PLEKHB1: variants seen among roughly 807,000 people sequenced by gnomAD.
PLEKHB1 encodes the protein pleckstrin homology domain containing B1.
Under a neutral mutation model 36.2 loss-of-function variants are expected in PLEKHB1, and 29 were observed. The ratio of observed to expected loss-of-function variants is 0.80; its 90% CI spans 0.60 to 1.09. PLEKHB1 has a LOEUF of 1.09. Among genes scored for constraint, PLEKHB1 ranks in the 50% least tolerant of loss-of-function variants. PLEKHB1 has a pLI of 0.00. For missense variants in PLEKHB1, 330 were observed against 348.2 expected, an observed-to-expected ratio of 0.95 and a Z score of 0.42; for synonymous variants, 138 against 140.0, an observed-to-expected ratio of 0.99 and a Z score of 0.10.
Position 73,661,659 on chromosome 11 carries a change from C to T in PLEKHB1, c.*57C>T. The T allele has an allele frequency of 3.3e-6, 5 of 1,517,660 alleles. No homozygotes were observed. Among genetic ancestry groups the T allele is most frequent in the Non-Finnish European group, 4.4e-6 (5 of 1,138,100 alleles). 94.0% of individuals were successfully genotyped at this position (1,517,660 alleles called of 1,614,324 possible). On this transcript the variant is annotated 3_prime_UTR_variant, in exon 8 of 8. Transcript: ENST00000354190. The surrounding 1 kb of genome is among the most constrained non-coding windows in gnomAD (Gnocchi z 4.6). The stretch of plus-strand genomic sequence containing the variant: ...TTGGATTGCTAGACTCCTCTTCCTC[C>T]TGGACCCCATCCTCTACCATCCAAG...
Position 73,646,608 on chromosome 11 carries a change from C to T in PLEKHB1, c.-1C>T, listed in dbSNP as rs374048068. 5.8e-6 allele frequency: 9 copies of T among 1,551,562 alleles called. No homozygotes were observed. Among genetic ancestry groups the T allele is most frequent in the Non-Finnish European group, 7.8e-6 (9 of 1,146,978 alleles). ...AATGCTGCCCTGGCCACCCAGGAAC[C>T]ATGAGCCCTGCAGCCCCGGTAAGGA... On this transcript the variant is annotated 5_prime_UTR_variant, in exon 1 of 8. Coordinates refer to ENST00000354190, the MANE Select transcript of PLEKHB1 (RefSeq NM_021200.3).
intron 7 of PLEKHB1, 55 bp downstream of exon 7, chr11:73,660,907 A>G: frequency 1.3e-6 from 2 of 1,483,626 alleles, no homozygotes; most frequent in African/African-American, 2.8e-5. Context: ...ATTCAGCGCC[A>G]GGCCCAGCCC....
chr11:73,658,241 G>A (rs997432633), intron 6 of PLEKHB1, among the ~76,000 whole-genome samples: 2 of 152,208 alleles, frequency 1.3e-5, no homozygotes, highest in African/African-American at 4.8e-5. Flanking sequence ...AATGAGGTGA[G>A]AAGCATATCC....
rs1945112953 is a variant in PLEKHB1 at position 73,661,355 on chromosome 11, AGT to A, written c.596-109_596-108del. ...CTGTTCTTTGACTGGGGAGCAGGAG[AGT>A]GGGTTCGGCGCCTTACACTGGGTTG... On this transcript the variant is annotated intron_variant, in intron 7 of 7. Transcript: ENST00000354190. This position sits in a 1 kb window ranked among gnomAD's most constrained non-coding sequence, Gnocchi z 4.6. The A allele has an allele frequency of 3.8e-5, 46 of 1,200,908 alleles. 2 individuals are homozygous for A. In the Middle Eastern group the frequency reaches 2.5e-3, roughly 66 times the overall value. 74.4% of individuals were successfully genotyped at this position (1,200,908 alleles called of 1,614,324 possible).
intron 6 of PLEKHB1, among the ~76,000 whole-genome samples, chr11:73,657,516 G>A (rs1945017804): frequency 6.6e-6 from 1 of 152,214 alleles, no homozygotes; most frequent in South Asian, 2.1e-4. Context: ...GGGAGAGGCA[G>A]GTTCAAACCC....
Position 73,653,009 on chromosome 11 carries a change from A to G in PLEKHB1, c.385A>G (p.Thr129Ala), listed in dbSNP as rs1944927094. The stretch of plus-strand genomic sequence containing the variant: ...GACAGCACTGCTGGAGGCAAACTCC[A>G]CCCCGGTGAGTCTCCCGTTCTCTCC... ...WKTALLEANSTPAPAGATVPP... is the reference protein window; with the variant it reads ...WKTALLEANSAPAPAGATVPP... The change falls in exon 5 of 8, where the codon ACC becomes GCC. Residue 129 changes from threonine to alanine, a missense_variant. Transcript: ENST00000354190. 6.2e-7 allele frequency: 1 copy of G among 1,608,858 alleles called. No individual in the cohort carries two copies. The highest frequency in any genetic ancestry group is 1.3e-5 in the African/African-American group (1 of 74,806).
At position 73,661,108 on chromosome 11, in the gene PLEKHB1, A is replaced by G. The variant is rs1232292549; in HGVS notation, c.595+256A>G. 6.6e-6 allele frequency among the ~76,000 whole-genome samples: 1 copy of G among 152,230 alleles called. No homozygotes were observed. ...CGGCAATACCCATTCCTGAGCCGGTAGCGGCCCCTGGTGGCTACTGCGGGA... is the reference window on the plus strand; with the variant it reads ...CGGCAATACCCATTCCTGAGCCGGTGGCGGCCCCTGGTGGCTACTGCGGGA... On this transcript the variant is annotated intron_variant, in intron 7 of 7. Transcript: ENST00000354190. This position sits in a 1 kb window ranked among gnomAD's most constrained non-coding sequence, Gnocchi z 4.6.
Position 73,650,635 on chromosome 11 carries a change from G to A in PLEKHB1, c.177G>A (p.Ala59=), listed in dbSNP as rs1312523121. 1.1e-5 allele frequency: 17 copies of A among 1,612,638 alleles called. No homozygotes were observed. The highest frequency in any genetic ancestry group is 2.2e-5 in the East Asian group (1 of 44,864). ...TGGGATACTACCACGATGAGACAGC[G>A]CAGGACGAGGAGGACCGTGTGCTCA... is the stretch of plus-strand genomic sequence containing the variant. ...GTLGYYHDET[A]QDEEDRVLIH... is the part of the protein sequence containing the mutation. The change falls in exon 3 of 8, where the codon GCG becomes GCA. Residue 59 remains alanine (A), a synonymous_variant. Transcript: ENST00000354190.
Position 73,661,680 on chromosome 11 carries a change from C to T in PLEKHB1, c.*78C>T. ...CCTCCTGGACCCCATCCTCTACCAT[C>T]CAAGCCCTGTCCCACTTTGGCCCTA... is the stretch of plus-strand genomic sequence containing the variant. On this transcript the variant is annotated 3_prime_UTR_variant, in exon 8 of 8. Coordinates refer to ENST00000354190, the MANE Select transcript of PLEKHB1 (RefSeq NM_021200.3). The surrounding 1 kb of genome is among the most constrained non-coding windows in gnomAD (Gnocchi z 4.6). 6.7e-7 allele frequency: 1 copy of T among 1,491,384 alleles called. No homozygotes were observed. Among genetic ancestry groups the T allele is most frequent in the Non-Finnish European group, 8.9e-7 (1 of 1,123,474 alleles). The allele number at this position is 1,491,384 out of a possible 1,614,324, so 92.4% of individuals were successfully genotyped here.
At chr11:73,650,821 A>G (rs759518551) in intron 3 of PLEKHB1, 116 bp downstream of exon 3, 30 of 1,247,186 alleles carry the variant, frequency 2.4e-5, no homozygotes, top group Non-Finnish European at 2.9e-5. Flanking sequence ...TTTCACAGAC[A>G]TTGCTTCTGA....
At chr11:73,653,551 T>C (rs996868627) in intron 5 of PLEKHB1, 6 of 439,608 alleles carry the variant, frequency 1.4e-5, no homozygotes, top group African/African-American at 1.2e-4. Context: ...TCCATTTCAA[T>C]AGTAATAACA....
chr11:73,653,504 T>C (rs1038876243), intron 5 of PLEKHB1: 7 of 456,206 alleles, frequency 1.5e-5, no homozygotes, highest in African/African-American at 1.4e-4. Flanking sequence ...GGACTCAGCC[T>C]AATGAGAAGC....
chr11:73,651,787 G>C lies in PLEKHB1; in HGVS notation c.248-1G>C. The C allele has an allele frequency of 6.2e-7, 1 of 1,613,058 alleles. No individual in the cohort carries two copies. The highest frequency in any genetic ancestry group is 8.5e-7 in the Non-Finnish European group (1 of 1,179,608). On this transcript the variant is annotated splice_acceptor_variant, in intron 3 of 7. Transcript: ENST00000354190. LOFTEE classifies it high-confidence loss of function. Reference sequence around the variant, plus strand: ...ACCCATATATGTGTGTCTGCTTCCAGATGTGCAGCCCCCAGAGGGCCGGAG... The same window carrying C: ...ACCCATATATGTGTGTCTGCTTCCACATGTGCAGCCCCCAGAGGGCCGGAG...
At chr11:73,660,524 A>C in intron 6 of PLEKHB1, 1 of 555,664 alleles carries the variant, frequency 1.8e-6, no homozygotes, top group Admixed American at 3.2e-5. Flanking sequence ...CCAGAGTTGG[A>C]GAATGGGTGT....
At chr11:73,651,310 T>C in intron 3 of PLEKHB1, 2 of 398,402 alleles carry the variant, frequency 5.0e-6, no homozygotes, top group Non-Finnish European at 9.9e-6. Context: ...TGAGTGTTCA[T>C]GGCACTGCAC....
At chr11:73,657,738 A>G (rs933237988) in intron 6 of PLEKHB1, among the ~76,000 whole-genome samples, 13 of 152,160 alleles carry the variant, frequency 8.5e-5, no homozygotes, top group Admixed American at 4.6e-4. Flanking sequence ...TTCCCCACCA[A>G]TAAAATTGGA....
intron 1 of PLEKHB1, 52 bp downstream of exon 1, chr11:73,646,678 C>A: frequency 1.3e-6 from 2 of 1,543,778 alleles, no homozygotes; most frequent in Admixed American, 3.9e-5. Flanking sequence ...AGGGTGGGCA[C>A]CCTTGCCACA....
At chr11:73,656,920 A>G (rs1323312865) in intron 6 of PLEKHB1, among the ~76,000 whole-genome samples, 4 of 152,184 alleles carry the variant, frequency 2.6e-5, no homozygotes, top group African/African-American at 9.7e-5. Context: ...TGGGAGGCTG[A>G]GGCGGGCAGG....
rs750761821 is a variant in PLEKHB1, at chr11:73,661,590, C to T, written c.720C>T (p.Pro240=). 7.5e-6 allele frequency: 12 copies of T among 1,591,810 alleles called. No homozygotes were observed. Among genetic ancestry groups the T allele is most frequent in the Non-Finnish European group, 8.5e-7 (1 of 1,169,764 alleles). Residue 240 remains proline, a synonymous_variant, in exon 8 of 8, where the codon CCC becomes CCT. Coordinates refer to ENST00000354190, the MANE Select transcript of PLEKHB1 (RefSeq NM_021200.3). The surrounding 1 kb of genome is among the most constrained non-coding windows in gnomAD (Gnocchi z 4.6). The part of the protein sequence containing the change: ...GAALGSLMWS[P]CWF Reference sequence around the variant, plus strand: ...CGCTGGGCTCGCTCATGTGGTCGCCCTGCTGGTTCTGAGCCCTGGGACTCG... The same window carrying T: ...CGCTGGGCTCGCTCATGTGGTCGCCTTGCTGGTTCTGAGCCCTGGGACTCG...
Sources: gnomAD v4.1 joint callset for allele counts (sites outside exome capture counted in the v4.1 genomes callset) on GRCh38, gnomAD v4.1.1 for gene constraint, Gnocchi (gnomAD v3.1) non-coding constraint, MANE v1.5 for transcripts, NCBI Gene and HGNC (gene_info 2026-07-23, HGNC 2026-07-21) for gene names.